CDK8: variants seen among roughly 807,000 people sequenced by gnomAD.
CDK8 encodes the protein cyclin dependent kinase 8.
A neutral mutation model predicts 71.5 loss-of-function variants in CDK8; 29 were observed. The observed-to-expected ratio is 0.41, with a 90% CI of 0.30 to 0.55. The LOEUF (loss-of-function observed/expected upper bound fraction) is 0.55. Among genes scored for constraint, CDK8 ranks in the 20% least tolerant of loss-of-function variants. The pLI, the probability that CDK8 is intolerant of heterozygous loss-of-function variation, is 0.37. For missense variants in CDK8, 288 were observed against 572.6 expected (o/e 0.50, Z 5.07); for synonymous variants, 161 against 192.1 (o/e 0.84, Z 1.34).
chr13:26,317,618 TAGAAATG>T (rs1417346647), intron 1 of CDK8, among the ~76,000 whole-genome samples: 1 of 152,120 alleles, frequency 6.6e-6, no homozygotes, highest in Non-Finnish European at 1.5e-5. Context: ...GGGGTAAAGT[TAGAAATG>T]AGAGACAGAA....
intron 2 of CDK8, among the ~76,000 whole-genome samples, chr13:26,341,080 T>G (rs558481147): frequency 6.6e-6 from 1 of 152,184 alleles, no homozygotes; most frequent in Non-Finnish European, 1.5e-5. Flanking sequence ...GAGGTAAAGC[T>G]CTGGACTTGA....
intron 4 of CDK8, among the ~76,000 whole-genome samples, chr13:26,368,229 C>CGA (rs1311055984): frequency 1.3e-5 from 2 of 152,182 alleles, no homozygotes; most frequent in African/African-American, 4.8e-5. Flanking sequence ...CACCACTACT[C>CGA]TAATTCAGGC....
rs1302068867 is a variant in CDK8, at chr13:26,382,796, A to C, written c.457-18A>C. ...CCACTACTGTCTACTGAAAAAAAAC[A>C]CTATTTTGTTTCCACAGAAACCTGC... On this transcript the variant is annotated intron_variant, in intron 4 of 12. Coordinates refer to ENST00000381527, the MANE Select transcript of CDK8 (RefSeq NM_001260.3). 2 of 1,559,784 alleles carry C rather than the reference A, an allele frequency of 1.3e-6. No homozygotes were observed. Among genetic ancestry groups the C allele is most frequent in the South Asian group, 2.4e-5 (2 of 85,052 alleles).
chr13:26,344,440 C>T (rs1321972241), intron 2 of CDK8, among the ~76,000 whole-genome samples: 1 of 152,074 alleles, frequency 6.6e-6, no homozygotes, highest in East Asian at 1.9e-4. Flanking sequence ...CATTGTCTTC[C>T]ACCTCCACAT....
At chr13:26,326,125 T>G (rs1353723844) in intron 1 of CDK8, among the ~76,000 whole-genome samples, 1 of 152,206 alleles carries the variant, frequency 6.6e-6, no homozygotes, top group Non-Finnish European at 1.5e-5. Context: ...AAAACTTTCC[T>G]AAGTATGACA....
chr13:26,344,537 G>C (rs762638521), intron 2 of CDK8, among the ~76,000 whole-genome samples: 34 of 152,296 alleles, frequency 2.2e-4, no homozygotes, highest in South Asian at 4.1e-4. Context: ...GAGGTGGACA[G>C]ATAGATCACT....
intron 1 of CDK8, among the ~76,000 whole-genome samples, chr13:26,279,225 G>C (rs933821102): frequency 2.0e-5 from 3 of 152,156 alleles, no homozygotes; most frequent in African/African-American, 7.2e-5. Flanking sequence ...AAACCATTTT[G>C]TAACTCTCAG....
intron 1 of CDK8, among the ~76,000 whole-genome samples, chr13:26,313,921 C>G (rs1874399657): frequency 6.6e-6 from 1 of 152,094 alleles, no homozygotes; most frequent in Non-Finnish European, 1.5e-5. Flanking sequence ...AAAATGATGT[C>G]CAGGTTGGGT....
At chr13:26,403,083 A>T (rs1020595932) in intron 12 of CDK8, among the ~76,000 whole-genome samples, 1 of 152,206 alleles carries the variant, frequency 6.6e-6, no homozygotes. Context: ...ATAATCTAAC[A>T]TATCAAAATT....
At chr13:26,373,378 A>G (rs909802861) in intron 4 of CDK8, among the ~76,000 whole-genome samples, 3 of 152,162 alleles carry the variant, frequency 2.0e-5, no homozygotes, top group African/African-American at 4.8e-5. Flanking sequence ...GCTGTGCTGT[A>G]TGAATGAAGG....
intron 1 of CDK8, among the ~76,000 whole-genome samples, chr13:26,321,965 T>G (rs985153070): frequency 1.3e-5 from 2 of 152,176 alleles, no homozygotes; most frequent in Admixed American, 1.3e-4. Context: ...GCGCATGTGG[T>G]GCTGACTTCA....
chr13:26,397,683 A>G (rs1214674782), intron 9 of CDK8, among the ~76,000 whole-genome samples: 1 of 152,130 alleles, frequency 6.6e-6, no homozygotes, highest in Non-Finnish European at 1.5e-5. Context: ...CAGCGATTAT[A>G]TGTGCTATTT....
intron 4 of CDK8, among the ~76,000 whole-genome samples, chr13:26,380,752 A>G (rs1227153133): frequency 6.6e-6 from 1 of 152,214 alleles, no homozygotes; most frequent in Non-Finnish European, 1.5e-5. Flanking sequence ...AAGTGCTGGC[A>G]TTACAGGCGT....
At position 26,304,012 on chromosome 13, in the gene CDK8, C is replaced by G. The variant is rs2137920256; in HGVS notation, c.129-33555C>G. ...AGGCTCGGTGGCTCACACTTGGAAT[C>G]CCAGCACTTCAGGGAGGCCGAGGCG... On this transcript the variant is annotated intron_variant, in intron 1 of 12. Coordinates refer to ENST00000381527, the MANE Select transcript of CDK8 (RefSeq NM_001260.3). Among the ~76,000 whole-genome samples the G allele has an allele frequency of 1.3e-5, 2 of 152,142 alleles. 1 individual carries two copies. Among genetic ancestry groups the G allele is most frequent in the South Asian group, 4.1e-4 (2 of 4,820 alleles).
chr13:26,381,239 C>G (rs1173089381), intron 4 of CDK8, among the ~76,000 whole-genome samples: 1 of 152,164 alleles, frequency 6.6e-6, no homozygotes, highest in Non-Finnish European at 1.5e-5. Context: ...AGAAATGCTG[C>G]CTAATTCCAT....
At chr13:26,385,189 T>C in intron 5 of CDK8, 22 bp from the exon 6 acceptor site, 1 of 1,292,222 alleles carries the variant, frequency 7.7e-7, no homozygotes, top group Non-Finnish European at 1.1e-6. Context: ...CTTAGCATGA[T>C]TTTTTTTTTA....
At chr13:26,287,087 A>T (rs1024766736) in intron 1 of CDK8, among the ~76,000 whole-genome samples, 1 of 152,194 alleles carries the variant, frequency 6.6e-6, no homozygotes, top group Non-Finnish European at 1.5e-5. Context: ...CAGTATGGAG[A>T]TTCCTTAAAG....
At chr13:26,327,962 T>C (rs1315479854) in intron 1 of CDK8, among the ~76,000 whole-genome samples, 1 of 61,960 alleles carries the variant, frequency 1.6e-5, no homozygotes, top group Admixed American at 2.7e-4. Context: ...TTAAGAGCTG[T>C]CTTTTTTTTT....
rs543144477 is a variant in CDK8, at chr13:26,296,939, ATAAAGGACTAACCTGTAGTAT to A, written c.129-40614_129-40594del. On this transcript the variant is annotated intron_variant, in intron 1 of 12. Coordinates refer to ENST00000381527, the MANE Select transcript of CDK8 (RefSeq NM_001260.3). ...TGGAAGACTAGAGGTCCTTGTAGTA[ATAAAGGACTAACCTGTAGTAT>A]TAAAGGACTAACCAAGGACTAGGAC... Among the ~76,000 whole-genome samples, 53 of 152,316 alleles carry A rather than the reference ATAAAGGACTAACCTGTAGTAT, an allele frequency of 3.5e-4. 1 individual carries two copies. The South Asian group carries it at 4.4e-3, about 13-fold the overall frequency.
Sources: allele counts gnomAD v4.1 joint callset (sites outside exome capture counted in the v4.1 genomes callset), GRCh38; gene constraint gnomAD v4.1.1; transcripts MANE v1.5; gene names NCBI Gene and HGNC (gene_info 2026-07-23, HGNC 2026-07-21).